Variants in KCNIP4 observed in about 807,000 individuals in gnomAD.
KCNIP4 encodes potassium voltage-gated channel interacting protein 4.
In KCNIP4, 12 loss-of-function variants were observed where a neutral mutation model predicts 34.0. That is an observed-to-expected ratio of 0.35 (90% confidence interval 0.23 to 0.57). The LOEUF is 0.57. Ranked by LOEUF, KCNIP4 falls within the 20% of genes least tolerant of loss-of-function variation. The pLI, the probability that KCNIP4 is intolerant of heterozygous loss-of-function variation, is 0.83. For synonymous variants in KCNIP4, 124 were observed against 102.2 expected, an observed-to-expected ratio of 1.21 and a Z score of -1.29; for missense variants, 238 against 311.7, an observed-to-expected ratio of 0.76 and a Z score of 1.78.
At chr4:21,650,222 G>A (rs1480924966) in intron 1 of KCNIP4, among the ~76,000 whole-genome samples, 1 of 152,164 alleles carries the variant, frequency 6.6e-6, no homozygotes, top group Non-Finnish European at 1.5e-5. Context: ...AACCCTTAAT[G>A]CATGTTCTGC....
chr4:21,444,354 A>C (rs1184113451), intron 1 of KCNIP4, among the ~76,000 whole-genome samples: 2 of 152,236 alleles, frequency 1.3e-5, no homozygotes, highest in Non-Finnish European at 1.5e-5. Context: ...ATCCCTGATG[A>C]ACATTGATGC....
chr4:21,601,745 G>A (rs1743179110), intron 1 of KCNIP4, among the ~76,000 whole-genome samples: 1 of 151,920 alleles, frequency 6.6e-6, no homozygotes, highest in South Asian at 2.1e-4. Context: ...TGACCTTCCT[G>A]ATCCTCACAT....
At chr4:21,203,327 T>C (rs1239346422) in intron 1 of KCNIP4, among the ~76,000 whole-genome samples, 1 of 150,532 alleles carries the variant, frequency 6.6e-6, no homozygotes, top group African/African-American at 2.5e-5. Flanking sequence ...GAGGTGTGTA[T>C]TGACTGGATG....
At chr4:21,812,190 T>C (rs549229487) in intron 1 of KCNIP4, among the ~76,000 whole-genome samples, 3 of 152,336 alleles carry the variant, frequency 2.0e-5, no homozygotes, top group African/African-American at 7.2e-5. Context: ...CATCCTTTAT[T>C]ACTTAATTTT....
At chr4:21,252,813 A>G (rs1468161400) in intron 1 of KCNIP4, among the ~76,000 whole-genome samples, 3 of 149,462 alleles carry the variant, frequency 2.0e-5, no homozygotes, top group African/African-American at 7.4e-5. Flanking sequence ...ATGAGAGGGC[A>G]GAGAGGTAAT....
chr4:21,627,737 T>C (rs540852077), intron 1 of KCNIP4, among the ~76,000 whole-genome samples: 2 of 152,314 alleles, frequency 1.3e-5, no homozygotes, highest in African/African-American at 4.8e-5. Flanking sequence ...CTTTTCACAC[T>C]GAAGCTGATT....
intron 1 of KCNIP4, among the ~76,000 whole-genome samples, chr4:20,901,428 G>T (rs911847960): frequency 1.3e-5 from 2 of 152,130 alleles, no homozygotes; most frequent in Admixed American, 1.3e-4. Context: ...ATCAGAATTT[G>T]CATTTAATAA....
At chr4:21,905,293 G>T (rs13143995) in intron 1 of KCNIP4, among the ~76,000 whole-genome samples, 64,913 of 151,964 alleles carry the variant, frequency 0.43, 15,875 homozygotes, top group East Asian at 0.62. Context: ...ACATCATGCT[G>T]CTCAGGAAGC....
rs34656518 is a variant in KCNIP4 at position 21,528,772 on chromosome 4, A to G, written c.61+419799T>C. Among the ~76,000 whole-genome samples, 23 of 11,268 alleles carry G rather than the reference A, an allele frequency of 2.0e-3. 1 individual carries two copies. Among genetic ancestry groups the G allele is most frequent in the Admixed American group, 5.0e-3 (5 of 996 alleles). 7.4% of individuals were successfully genotyped at this position (11,268 alleles called of 152,430 possible). A position where few individuals can be genotyped will look rare whatever the true frequency, so the allele number is the denominator to read the frequency against. On this transcript the variant is annotated intron_variant, in intron 1 of 8. Coordinates refer to ENST00000382152, the MANE Select transcript of KCNIP4 (RefSeq NM_025221.6). ...GAAAGAAAGAAAGAAAGAAAGAAAG[A>G]AAGAAAGGAAGAAAGGAAGAAAGGA...
intron 3 of KCNIP4, among the ~76,000 whole-genome samples, chr4:20,772,118 A>C (rs1028856453): frequency 1.4e-4 from 21 of 152,180 alleles, no homozygotes; most frequent in African/African-American, 5.1e-4. Context: ...AGGGAGGTTT[A>C]AAGAACTTTC....
chr4:20,833,096 C>T (rs2149460704), intron 3 of KCNIP4, among the ~76,000 whole-genome samples: 1 of 152,280 alleles, frequency 6.6e-6, no homozygotes, highest in South Asian at 2.1e-4. Context: ...CCTGTTGTTT[C>T]CTCTTCCACA....
chr4:21,419,831 C>T (rs1297699668), intron 1 of KCNIP4, among the ~76,000 whole-genome samples: 1 of 152,092 alleles, frequency 6.6e-6, no homozygotes. Flanking sequence ...CCAAATCCTC[C>T]AAATGAATCC....
At chr4:21,481,391 C>T (rs1412187206) in intron 1 of KCNIP4, among the ~76,000 whole-genome samples, 4 of 152,042 alleles carry the variant, frequency 2.6e-5, no homozygotes, top group South Asian at 2.1e-4. Flanking sequence ...GGAAAGGGGA[C>T]GCCTGGAGAA....
At chr4:21,657,394 A>G (rs745911864) in intron 1 of KCNIP4, among the ~76,000 whole-genome samples, 5 of 152,152 alleles carry the variant, frequency 3.3e-5, no homozygotes, top group African/African-American at 4.8e-5. Flanking sequence ...ATACTTTGTG[A>G]CTGAATCCAG....
At chr4:21,323,495 A>G (rs879268541) in intron 1 of KCNIP4, among the ~76,000 whole-genome samples, 6 of 151,992 alleles carry the variant, frequency 3.9e-5, no homozygotes, top group African/African-American at 4.8e-5. Flanking sequence ...AACTCCCACA[A>G]TTAAGTGTGA....
intron 1 of KCNIP4, among the ~76,000 whole-genome samples, chr4:21,353,407 T>A (rs922561295): frequency 1.7e-4 from 26 of 152,014 alleles, no homozygotes; most frequent in African/African-American, 6.3e-4. Flanking sequence ...TGAAAAAAGG[T>A]TAGATGAATG....
chr4:21,284,676 T>G (rs1484565184), intron 1 of KCNIP4, among the ~76,000 whole-genome samples: 2 of 152,130 alleles, frequency 1.3e-5, no homozygotes, highest in Non-Finnish European at 2.9e-5. Context: ...TTTCCTGTCT[T>G]AAGACAAGAG....
At chr4:20,991,981 A>G (rs1416566811) in intron 1 of KCNIP4, among the ~76,000 whole-genome samples, 3 of 152,204 alleles carry the variant, frequency 2.0e-5, no homozygotes, top group Non-Finnish European at 4.4e-5. Context: ...CATTTCTTGC[A>G]CCACAACAGT....
rs556085783 is a variant in KCNIP4, at chr4:20,824,638, CT to C, written c.288+25904del. Among the ~76,000 whole-genome samples, 15 of 152,266 alleles carry C rather than the reference CT, an allele frequency of 9.9e-5. No homozygotes were observed. The South Asian group carries it at 3.1e-3, about 32-fold the overall frequency. On this transcript the variant is annotated intron_variant, in intron 3 of 8. Coordinates refer to ENST00000382152, the MANE Select transcript of KCNIP4 (RefSeq NM_025221.6). ...GAGGTTGCAGTGAGCCGAGATTGCA[CT>C]TCTGCACTCCAGACTAGCAACAGAG...
Sources: allele counts gnomAD v4.1 joint callset (sites outside exome capture counted in the v4.1 genomes callset), GRCh38; gene constraint gnomAD v4.1.1; transcripts MANE v1.5; gene names NCBI Gene and HGNC (gene_info 2026-07-23, HGNC 2026-07-21).